NALCN: variants seen among roughly 807,000 people sequenced by gnomAD.
The protein encoded by NALCN is sodium leak channel, non-selective.
Under a neutral mutation model 225.3 loss-of-function variants are expected in NALCN, and 111 were observed. The observed-to-expected ratio is 0.49, with a 90% CI of 0.42 to 0.58. NALCN has a LOEUF of 0.58. Among genes scored for constraint, NALCN ranks in the 20% least tolerant of loss-of-function variants. The pLI is 0.00. For missense variants in NALCN, 1,378 were observed against 2,202.4 expected (o/e 0.63, Z 7.49); for synonymous variants, 764 against 769.0 (o/e 0.99, Z 0.11).
chr13:101,278,734 C>G (rs1356226956), intron 10 of NALCN, among the ~76,000 whole-genome samples: 1 of 152,156 alleles, frequency 6.6e-6, no homozygotes, highest in Non-Finnish European at 1.5e-5. Context: ...GCAAAACTAT[C>G]CAGAGATATC....
At chr13:101,238,101 T>C (rs1279034200) in intron 11 of NALCN, among the ~76,000 whole-genome samples, 179 bp from the exon 12 acceptor site, 3 of 151,966 alleles carry the variant, frequency 2.0e-5, no homozygotes, top group Admixed American at 6.6e-5. Flanking sequence ...TAGAACACAG[T>C]AGACCAAAGC....
intron 6 of NALCN, among the ~76,000 whole-genome samples, chr13:101,360,160 CTTT>C (rs1009787700): frequency 1.8e-4 from 24 of 130,728 alleles, no homozygotes; most frequent in Admixed American, 1.6e-3. Context: ...TTCTTTCTTT[CTTT>C]CTCTTTCTTC....
At chr13:101,173,499 A>G (rs1566381201) in intron 15 of NALCN, among the ~76,000 whole-genome samples, 1 of 152,150 alleles carries the variant, frequency 6.6e-6, no homozygotes, top group Non-Finnish European at 1.5e-5. Flanking sequence ...CATCTGTAAG[A>G]TGGACATAAT....
At chr13:101,373,091 TA>T (rs1566627010) in intron 6 of NALCN, 1 of 388,652 alleles carries the variant, frequency 2.6e-6, no homozygotes. Context: ...TAAAAATAGG[TA>T]AGCTCTTTGA....
intron 9 of NALCN, among the ~76,000 whole-genome samples, chr13:101,288,305 T>C (rs1244575590): frequency 6.6e-6 from 1 of 152,238 alleles, no homozygotes; most frequent in Non-Finnish European, 1.5e-5. Context: ...TGTATATTCA[T>C]GAGGAAATAA....
At chr13:101,096,425 T>C (rs1052340661) in intron 27 of NALCN, among the ~76,000 whole-genome samples, 1 of 152,162 alleles carries the variant, frequency 6.6e-6, no homozygotes, top group Non-Finnish European at 1.5e-5. Flanking sequence ...TGCTACAACA[T>C]GGAGGATCCT....
chr13:101,226,338 C>G (rs541239951), intron 13 of NALCN, among the ~76,000 whole-genome samples: 1 of 152,290 alleles, frequency 6.6e-6, no homozygotes, highest in South Asian at 2.1e-4. Context: ...TCCCCACTTC[C>G]TACACCCTTA....
At chr13:101,067,196 T>G (rs1405311413) in intron 39 of NALCN, among the ~76,000 whole-genome samples, 7 of 102,060 alleles carry the variant, frequency 6.9e-5, no homozygotes, top group South Asian at 3.5e-4. Flanking sequence ...AAGGAGGAGG[T>G]GGGGGAGGAG....
At chr13:101,411,945 C>T (rs531112675) in intron 1 of NALCN, among the ~76,000 whole-genome samples, 7 of 151,928 alleles carry the variant, frequency 4.6e-5, no homozygotes, top group African/African-American at 7.3e-5. Context: ...ATTTTCAGGA[C>T]GTTATTTTAT....
At chr13:101,108,240 C>T (rs1369883905) in intron 20 of NALCN, among the ~76,000 whole-genome samples, 1 of 151,600 alleles carries the variant, frequency 6.6e-6, no homozygotes, top group African/African-American at 2.4e-5. Flanking sequence ...ATTTAATGGC[C>T]ACAGTCTTCA....
chr13:101,416,365 C>G lies in NALCN; in HGVS notation c.-92G>C, dbSNP rs1349316448. On this transcript the variant is annotated 5_prime_UTR_variant, in exon 1 of 44. Coordinates refer to ENST00000251127, the MANE Select transcript of NALCN (RefSeq NM_052867.4). ...TGGTGCCCGCGGGCGGCGGCGGCGG[C>G]GACAGTGGGCGACCGGCAGGATCAG... 2 of 153,054 alleles carry G rather than the reference C, an allele frequency of 1.3e-5. No homozygotes were observed. Among genetic ancestry groups the G allele is most frequent in the Non-Finnish European group, 2.9e-5 (2 of 68,988 alleles). 9.5% of individuals were successfully genotyped at this position (153,054 alleles called of 1,614,324 possible). A position where few individuals can be genotyped will look rare whatever the true frequency, so the allele number is the denominator to read the frequency against.
intron 4 of NALCN, among the ~76,000 whole-genome samples, chr13:101,377,590 T>C (rs570608175): frequency 5.0e-4 from 76 of 152,096 alleles, no homozygotes; most frequent in Non-Finnish European, 9.7e-4. Context: ...TGAAATTAAA[T>C]TGTGGGAGAG....
chr13:101,245,863 A>G (rs1317002693), intron 11 of NALCN, among the ~76,000 whole-genome samples: 1 of 152,142 alleles, frequency 6.6e-6, no homozygotes, highest in Admixed American at 6.5e-5. Context: ...TGCTTTTCCC[A>G]ACCAGACACT....
At chr13:101,388,534 A>G (rs2047056925) in intron 3 of NALCN, among the ~76,000 whole-genome samples, 1 of 152,178 alleles carries the variant, frequency 6.6e-6, no homozygotes, top group Non-Finnish European at 1.5e-5. Context: ...TTTGGTCCTA[A>G]GTCATTTCTT....
chr13:101,083,843 A>C, intron 30 of NALCN, 39 bp from the exon 31 acceptor site: 1 of 1,592,466 alleles, frequency 6.3e-7, no homozygotes, highest in East Asian at 2.2e-5. Flanking sequence ...GCCTTTTGTC[A>C]TGTGCTTGCA....
intron 14 of NALCN, among the ~76,000 whole-genome samples, chr13:101,178,237 C>T (rs2139947102): frequency 6.6e-6 from 1 of 152,290 alleles, no homozygotes; most frequent in Middle Eastern, 3.4e-3. Flanking sequence ...TTTCCTTCTG[C>T]AGGAGGGGAT....
chr13:101,335,125 A>G (rs945138112), intron 7 of NALCN, among the ~76,000 whole-genome samples: 6 of 152,142 alleles, frequency 3.9e-5, no homozygotes, highest in Non-Finnish European at 8.8e-5. Flanking sequence ...TACTTTTAAA[A>G]TTTCCTTTCA....
chr13:101,298,206 T>G (rs557539017), intron 7 of NALCN, among the ~76,000 whole-genome samples: 3 of 152,228 alleles, frequency 2.0e-5, no homozygotes, highest in Non-Finnish European at 4.4e-5. Context: ...AGCTTGATGT[T>G]TTCACATGTG....
chr13:101,127,971 C>T (rs533767399), intron 17 of NALCN, among the ~76,000 whole-genome samples: 26 of 152,200 alleles, frequency 1.7e-4, no homozygotes, highest in Middle Eastern at 3.4e-3. Flanking sequence ...AAGATACTGA[C>T]AATCACCTGA....
Sources: gnomAD v4.1 joint callset for allele counts (sites outside exome capture counted in the v4.1 genomes callset) on GRCh38, gnomAD v4.1.1 for gene constraint, MANE v1.5 for transcripts, NCBI Gene and HGNC (gene_info 2026-07-23, HGNC 2026-07-21) for gene names.